The following GRID2 variants were observed in gnomAD, a reference collection of about 807,000 sequenced individuals.
GRID2 encodes the protein glutamate receptor ionotropic, delta-2.
Under a neutral mutation model 114.8 loss-of-function variants are expected in GRID2, and 33 were observed. The observed-to-expected ratio is 0.29, with a 90% CI of 0.22 to 0.38. The LOEUF (loss-of-function observed/expected upper bound fraction) is 0.38. GRID2 is among the 10% of genes least tolerant of loss of function. The pLI is 1.00. For synonymous variants in GRID2, 505 were observed against 449.9 expected, an observed-to-expected ratio of 1.12 and a Z score of -1.55; for missense variants, 1,184 against 1,257.7, an observed-to-expected ratio of 0.94 and a Z score of 0.89.
intron 13 of GRID2, among the ~76,000 whole-genome samples, chr4:93,544,334 T>A (rs776047321): frequency 1.3e-5 from 2 of 152,206 alleles, no homozygotes; most frequent in Non-Finnish European, 2.9e-5. Context: ...AGAATTATTC[T>A]GTATTTATGA....
chr4:93,776,610 C>A (rs546960627), downstream of GRID2, among the ~76,000 whole-genome samples: 2 of 152,232 alleles, frequency 1.3e-5, no homozygotes, highest in South Asian at 4.1e-4. Flanking sequence ...TGAGTCACCC[C>A]AAACCAGCAC....
At chr4:93,127,008 G>T (rs540786061) in intron 4 of GRID2, among the ~76,000 whole-genome samples, 1 of 152,212 alleles carries the variant, frequency 6.6e-6, no homozygotes, top group South Asian at 2.1e-4. Flanking sequence ...GGTTCTTTCA[G>T]TTGTGTGACA....
intron 1 of GRID2, among the ~76,000 whole-genome samples, chr4:92,436,669 G>T (rs1255383667): frequency 6.6e-6 from 1 of 151,986 alleles, no homozygotes; most frequent in East Asian, 1.9e-4. Flanking sequence ...ATCTCTCTTA[G>T]GTTGCTTGTG....
chr4:92,703,903 C>T (rs903347076), intron 2 of GRID2, among the ~76,000 whole-genome samples: 1 of 152,148 alleles, frequency 6.6e-6, no homozygotes, highest in African/African-American at 2.4e-5. Flanking sequence ...CAATGATACT[C>T]TGACCATTCA....
chr4:93,373,182 A>C (rs143038922), intron 8 of GRID2, among the ~76,000 whole-genome samples: 1,580 of 152,190 alleles, frequency 0.01, 16 homozygotes, highest in South Asian at 0.046. Flanking sequence ...CCCTTACCTC[A>C]GAACTTGCTA....
chr4:92,593,809 G>T (rs187054130), intron 2 of GRID2, among the ~76,000 whole-genome samples: 9 of 150,512 alleles, frequency 6.0e-5, no homozygotes, highest in Non-Finnish European at 1.3e-4. Flanking sequence ...TATTAACTAA[G>T]GGCAAATACA....
intron 14 of GRID2, among the ~76,000 whole-genome samples, chr4:93,698,628 C>A (rs1727247538): frequency 6.6e-6 from 1 of 151,924 alleles, no homozygotes; most frequent in Non-Finnish European, 1.5e-5. Context: ...AACTGGCTGG[C>A]ATTATAAAGT....
intron 1 of GRID2, among the ~76,000 whole-genome samples, chr4:93,779,647 G>C (rs1329502094): frequency 1.3e-5 from 2 of 152,102 alleles, no homozygotes; most frequent in Admixed American, 1.3e-4. Flanking sequence ...TCAAATTAGT[G>C]GTATAGAAAA....
chr4:93,247,929 G>A (rs1252245723), intron 8 of GRID2, among the ~76,000 whole-genome samples: 2 of 151,976 alleles, frequency 1.3e-5, no homozygotes, highest in East Asian at 1.9e-4. Flanking sequence ...GATAGTCTGT[G>A]GTGTCATCTG....
intron 2 of GRID2, among the ~76,000 whole-genome samples, chr4:92,710,191 A>T (rs897007814): frequency 6.6e-6 from 1 of 152,080 alleles, no homozygotes; most frequent in African/African-American, 2.4e-5. Flanking sequence ...GTTTTGATAG[A>T]TTTCCAGCCA....
At chr4:93,198,047 A>G (rs1362438302) in intron 4 of GRID2, among the ~76,000 whole-genome samples, 1 of 152,150 alleles carries the variant, frequency 6.6e-6, no homozygotes, top group Non-Finnish European at 1.5e-5. Context: ...ATGGATATCC[A>G]CAGATGTATA....
rs78389161 is a variant in GRID2, at chr4:93,367,188, AT to A, written c.1246-28406del. 9.8e-3 allele frequency among the ~76,000 whole-genome samples: 1,215 copies of A among 123,776 alleles called. 7 individuals carry two copies. The highest frequency in any genetic ancestry group is 0.022 in the African/African-American group (746 of 34,232). The allele number at this position is 123,776 out of a possible 152,430, so 81.2% of individuals were successfully genotyped here. On this transcript the variant is annotated intron_variant, in intron 8 of 15. Transcript: ENST00000282020. ...CTTGAATTATGGAGCCTGTGGCTTTATTTTTTTTTTTTTAAGTTTTTTTTTT... is the reference window on the plus strand; with the variant it reads ...CTTGAATTATGGAGCCTGTGGCTTTATTTTTTTTTTTTAAGTTTTTTTTTT...
chr4:93,666,196 A>G (rs1339393101), intron 14 of GRID2, among the ~76,000 whole-genome samples: 1 of 152,100 alleles, frequency 6.6e-6, no homozygotes, highest in Non-Finnish European at 1.5e-5. Flanking sequence ...GTTCTGGCAT[A>G]ACAATCCATG....
chr4:92,970,521 G>A (rs1477562948), intron 2 of GRID2, among the ~76,000 whole-genome samples: 1 of 151,826 alleles, frequency 6.6e-6, no homozygotes, highest in Non-Finnish European at 1.5e-5. Context: ...AAACTAAATC[G>A]ATGATATTTG....
chr4:92,712,019 A>AT (rs1193939445), intron 2 of GRID2, among the ~76,000 whole-genome samples: 1 of 152,222 alleles, frequency 6.6e-6, no homozygotes, highest in Non-Finnish European at 1.5e-5. Context: ...TTTTCTTATA[A>AT]GGTAACATAG....
intron 1 of GRID2, among the ~76,000 whole-genome samples, chr4:92,392,740 T>G (rs1730306849): frequency 6.6e-6 from 1 of 152,302 alleles, no homozygotes; most frequent in East Asian, 1.9e-4. Context: ...AATATTATTT[T>G]GTGTCCCAGT....
intron 13 of GRID2, among the ~76,000 whole-genome samples, chr4:93,625,400 G>A (rs761483011): frequency 1.3e-5 from 2 of 152,128 alleles, no homozygotes; most frequent in Non-Finnish European, 2.9e-5. Flanking sequence ...TATAAGCAAC[G>A]TGGCCTAAAA....
At position 93,758,986 on chromosome 4, in the gene GRID2, G is replaced by C. The variant is rs370739946; in HGVS notation, c.2361-10224G>C. Among the ~76,000 whole-genome samples, 21 of 152,112 alleles carry C rather than the reference G, an allele frequency of 1.4e-4. No individual in the cohort carries two copies. The East Asian group carries it at 4.1e-3, about 29-fold the overall frequency. On this transcript the variant is annotated intron_variant, in intron 14 of 15. Coordinates refer to ENST00000282020, the MANE Select transcript of GRID2 (RefSeq NM_001510.4). Reference sequence around the variant, plus strand: ...AATTGCAATTATGCCCTCTATCTCAGTGGGAGCCATTGTCTGGGTCTTCTC... The same window carrying C: ...AATTGCAATTATGCCCTCTATCTCACTGGGAGCCATTGTCTGGGTCTTCTC...
intron 2 of GRID2, among the ~76,000 whole-genome samples, chr4:93,074,869 T>G (rs1260747146): frequency 3.3e-5 from 5 of 152,234 alleles, no homozygotes; most frequent in African/African-American, 1.2e-4. Flanking sequence ...TTTGACAACT[T>G]AGATGAAGAA....
Sources: gnomAD v4.1 joint callset for allele counts (sites outside exome capture counted in the v4.1 genomes callset) on GRCh38, gnomAD v4.1.1 for gene constraint, MANE v1.5 for transcripts, NCBI Gene and HGNC (gene_info 2026-07-23, HGNC 2026-07-21) for gene names.